PLEKHA2: variants seen among roughly 807,000 people sequenced by gnomAD.
The protein encoded by PLEKHA2 is pleckstrin homology domain containing A2, also known as pleckstrin homology domain-containing family A member 2.
PLEKHA2 carries 28 observed loss-of-function variants against 53.2 expected under a neutral mutation model. The observed-to-expected ratio is 0.53, with a 90% CI of 0.39 to 0.72. The LOEUF (loss-of-function observed/expected upper bound fraction) is 0.72. Ranked by LOEUF, PLEKHA2 falls within the 30% of genes least tolerant of loss-of-function variation. The pLI is 0.00. For missense variants in PLEKHA2, 426 were observed against 537.9 expected (o/e 0.79, Z 2.06); for synonymous variants, 193 against 196.4 (o/e 0.98, Z 0.14).
intron 2 of PLEKHA2, among the ~76,000 whole-genome samples, chr8:38,931,218 C>T (rs1043960943): frequency 6.6e-6 from 1 of 152,110 alleles, no homozygotes; most frequent in Admixed American, 6.5e-5. Context: ...GTGGAGGTTG[C>T]AGTGAGCCGA....
At chr8:38,958,227 G>A (rs1834976557) in intron 10 of PLEKHA2, among the ~76,000 whole-genome samples, 1 of 152,070 alleles carries the variant, frequency 6.6e-6, no homozygotes, top group Non-Finnish European at 1.5e-5. Context: ...GGAGGCTGAG[G>A]CAGGAGAATT....
At chr8:38,958,249 G>C (rs1186927575) in intron 10 of PLEKHA2, among the ~76,000 whole-genome samples, 2 of 152,082 alleles carry the variant, frequency 1.3e-5, no homozygotes, top group Non-Finnish European at 2.9e-5. Context: ...CTTGAACCCG[G>C]GAGGCAGAGG....
intron 2 of PLEKHA2, among the ~76,000 whole-genome samples, chr8:38,934,904 CAG>C (rs1211284698): frequency 6.6e-6 from 1 of 152,072 alleles, no homozygotes; most frequent in Non-Finnish European, 1.5e-5. Flanking sequence ...TAAAACAGGA[CAG>C]AGTCAGTGAG....
At chr8:38,936,448 G>C (rs1328274082) in intron 3 of PLEKHA2, among the ~76,000 whole-genome samples, 1 of 152,172 alleles carries the variant, frequency 6.6e-6, no homozygotes, top group Non-Finnish European at 1.5e-5. Context: ...CTCTCAAAGG[G>C]TACAGTCAAA....
intron 3 of PLEKHA2, among the ~76,000 whole-genome samples, chr8:38,943,425 G>A (rs13264557): frequency 0.3 from 45,194 of 151,944 alleles, 6,950 homozygotes; most frequent in Non-Finnish European, 0.32. Context: ...GTTGGAGGCT[G>A]CAGTGAGCTA....
chr8:38,969,887 G>C lies in PLEKHA2; in HGVS notation c.*104G>C. The C allele has an allele frequency of 2.0e-6, 3 of 1,473,400 alleles. No homozygotes were observed. Among genetic ancestry groups the C allele is most frequent in the Non-Finnish European group, 2.7e-6 (3 of 1,105,722 alleles). The allele number at this position is 1,473,400 out of a possible 1,614,324, so 91.3% of individuals were successfully genotyped here. A position where few individuals can be genotyped will look rare whatever the true frequency, so the allele number is the denominator to read the frequency against. ...TTGGAGGGTAGTCAGAGGCCTTTAT[G>C]TCACTCATATTCCTGTGGATGCTCT... On this transcript the variant is annotated 3_prime_UTR_variant, in exon 12 of 12. Transcript: ENST00000617275.
chr8:38,943,803 C>T lies in PLEKHA2; in HGVS notation c.213C>T (p.Thr71=). 3 of 1,577,460 alleles carry T rather than the reference C, an allele frequency of 1.9e-6. No homozygotes were observed. The highest frequency in any genetic ancestry group is 2.6e-6 in the Non-Finnish European group (3 of 1,161,040). The change falls in exon 4 of 12, where the codon ACC becomes ACT. Residue 71 remains threonine, a synonymous_variant. Transcript: ENST00000617275. ...LTYISKVSIA[T]PKQKPKTPFC... is the part of the protein sequence containing the mutation. ...ATTTGATTTAGGTGAGCATAGCTAC[C>T]CCAAAACAGAAACCAAAAACTCCAT...
intron 1 of PLEKHA2, chr8:38,902,146 G>T (rs1833797253): frequency 1.4e-5 from 2 of 144,042 alleles, no homozygotes; most frequent in Admixed American, 1.5e-4. Flanking sequence ...CACCTTACAC[G>T]CTTCCCTTTT....
At chr8:38,962,990 C>T (rs924130962) in intron 10 of PLEKHA2, among the ~76,000 whole-genome samples, 1 of 152,138 alleles carries the variant, frequency 6.6e-6, no homozygotes, top group Non-Finnish European at 1.5e-5. Flanking sequence ...AGGTGGAGAA[C>T]AGAATGAAGG....
At chr8:38,969,264 A>G (rs1199461896) in intron 11 of PLEKHA2, among the ~76,000 whole-genome samples, 157 bp from the exon 12 acceptor site, 4 of 152,058 alleles carry the variant, frequency 2.6e-5, no homozygotes, top group Non-Finnish European at 5.9e-5. Flanking sequence ...ACACATTTGG[A>G]GTGAATCCTT....
intron 1 of PLEKHA2, among the ~76,000 whole-genome samples, chr8:38,915,926 G>T (rs1427542737): frequency 6.6e-6 from 1 of 152,142 alleles, no homozygotes; most frequent in Non-Finnish European, 1.5e-5. Flanking sequence ...GGAAGATGGG[G>T]TATTCATCCC....
chr8:38,948,530 G>A (rs117009322), intron 5 of PLEKHA2, among the ~76,000 whole-genome samples: 2 of 152,300 alleles, frequency 1.3e-5, no homozygotes, highest in Non-Finnish European at 2.9e-5. Flanking sequence ...ATTTGGAGGG[G>A]TAGGGAGGGG....
intron 1 of PLEKHA2, among the ~76,000 whole-genome samples, chr8:38,908,192 C>T (rs2152364032): frequency 6.6e-6 from 1 of 152,164 alleles, no homozygotes; most frequent in East Asian, 1.9e-4. Context: ...TTCTGTTGGC[C>T]CGAGGACCTG....
chr8:38,941,149 C>T (rs138111516), intron 3 of PLEKHA2, among the ~76,000 whole-genome samples: 30 of 151,814 alleles, frequency 2.0e-4, no homozygotes, highest in East Asian at 9.7e-4. Flanking sequence ...CTCCATCTCC[C>T]GGGTTCAAGC....
intron 3 of PLEKHA2, among the ~76,000 whole-genome samples, chr8:38,942,167 T>G (rs1159396407): frequency 1.3e-5 from 2 of 152,100 alleles, no homozygotes; most frequent in African/African-American, 4.8e-5. Context: ...TTTGTGAGGC[T>G]GAGGCAGGAG....
chr8:38,959,440 A>G (rs1229914545), intron 10 of PLEKHA2, among the ~76,000 whole-genome samples: 1 of 152,198 alleles, frequency 6.6e-6, no homozygotes, highest in Non-Finnish European at 1.5e-5. Context: ...GAGGTTAAAC[A>G]AAGGGCTTGA....
At chr8:38,939,029 G>A (rs1377588663) in intron 3 of PLEKHA2, among the ~76,000 whole-genome samples, 2 of 151,602 alleles carry the variant, frequency 1.3e-5, no homozygotes, top group Non-Finnish European at 1.5e-5. Flanking sequence ...TCAGCCTCCC[G>A]AGTAGCTGGG....
In PLEKHA2 at chr8:38,972,932, A is replaced by G. The variant is rs1835278896; in HGVS notation, c.*3149A>G. On this transcript the variant is annotated 3_prime_UTR_variant, in exon 12 of 12. Transcript: ENST00000617275. ...TCCCCATGGCTGAATAATGCCATCCATTATTCTTTAATTTTTATTTTTAGA... is the reference window on the plus strand; with the variant it reads ...TCCCCATGGCTGAATAATGCCATCCGTTATTCTTTAATTTTTATTTTTAGA... 6.6e-6 allele frequency: 1 copy of G among 152,048 alleles called. No homozygotes were observed. Among genetic ancestry groups the G allele is most frequent in the African/African-American group, 2.4e-5 (1 of 41,366 alleles). 9.4% of individuals were successfully genotyped at this position (152,048 alleles called of 1,614,324 possible). A position where few individuals can be genotyped will look rare whatever the true frequency, so the allele number is the denominator to read the frequency against.
chr8:38,907,463 C>A (rs983621403), intron 1 of PLEKHA2, among the ~76,000 whole-genome samples: 1 of 152,180 alleles, frequency 6.6e-6, no homozygotes, highest in African/African-American at 2.4e-5. Context: ...TTACTTAATA[C>A]CTTTATAGCT....
Sources: allele counts gnomAD v4.1 joint callset (sites outside exome capture counted in the v4.1 genomes callset), GRCh38; gene constraint gnomAD v4.1.1; transcripts MANE v1.5; gene names NCBI Gene and HGNC (gene_info 2026-07-23, HGNC 2026-07-21).